The following KCNH5 variants were observed in gnomAD, a reference collection of about 807,000 sequenced individuals.
KCNH5 encodes potassium voltage-gated channel subfamily H member 5.
A neutral mutation model predicts 96.1 loss-of-function variants in KCNH5; 46 were observed. The ratio of observed to expected loss-of-function variants is 0.48; its 90% confidence interval spans 0.38 to 0.61. The LOEUF (loss-of-function observed/expected upper bound fraction) is 0.61. Among genes scored for constraint, KCNH5 ranks in the 20% least tolerant of loss-of-function variants. KCNH5 has a pLI of 0.00. For missense variants in KCNH5, 907 were observed against 1,225.8 expected, an observed-to-expected ratio of 0.74 and a Z score of 3.88; for synonymous variants, 439 against 449.8, an observed-to-expected ratio of 0.98 and a Z score of 0.30.
intron 7 of KCNH5, among the ~76,000 whole-genome samples, chr14:62,899,635 T>A (rs1263461420): frequency 2.0e-5 from 3 of 151,394 alleles, no homozygotes; most frequent in Non-Finnish European, 2.9e-5. Context: ...ATCGAGACCA[T>A]CCCGGCTAAA....
chr14:62,747,472 G>A (rs951312824), intron 10 of KCNH5, among the ~76,000 whole-genome samples: 1 of 152,258 alleles, frequency 6.6e-6, no homozygotes, highest in East Asian at 1.9e-4. Context: ...GAACATATTT[G>A]TATAATAACT....
chr14:62,783,955 C>A (rs1886270061), intron 9 of KCNH5, among the ~76,000 whole-genome samples: 1 of 150,880 alleles, frequency 6.6e-6, no homozygotes, highest in Non-Finnish European at 1.5e-5. Flanking sequence ...TAAGAAAATT[C>A]TCTTGATAGA....
intron 9 of KCNH5, among the ~76,000 whole-genome samples, chr14:62,800,373 AT>A (rs1886636379): frequency 6.6e-6 from 1 of 152,158 alleles, no homozygotes; most frequent in African/African-American, 2.4e-5. Flanking sequence ...TTACCATTTT[AT>A]TTTAAAATGA....
intron 7 of KCNH5, among the ~76,000 whole-genome samples, chr14:62,942,146 C>T (rs1408300017): frequency 6.6e-6 from 1 of 152,168 alleles, no homozygotes; most frequent in Non-Finnish European, 1.5e-5. Flanking sequence ...CTTTGTGACA[C>T]CACTTTCTTT....
chr14:62,979,560 A>G (rs948055126), intron 6 of KCNH5, among the ~76,000 whole-genome samples: 1 of 152,124 alleles, frequency 6.6e-6, no homozygotes, highest in Non-Finnish European at 1.5e-5. Flanking sequence ...TATAATAATA[A>G]TAACAACAGA....
At chr14:62,857,742 G>T (rs1255158828) in intron 7 of KCNH5, among the ~76,000 whole-genome samples, 2 of 152,084 alleles carry the variant, frequency 1.3e-5, no homozygotes, top group Non-Finnish European at 2.9e-5. Context: ...TTATGGGTGG[G>T]TCTACCCTTC....
intron 8 of KCNH5, 140 bp from the exon 9 acceptor site, chr14:62,802,721 A>C (rs925110883): frequency 5.1e-6 from 5 of 981,326 alleles, no homozygotes; most frequent in Non-Finnish European, 7.4e-6. Context: ...GGGAAGGCAA[A>C]GGGAACAAGA....
intron 7 of KCNH5, among the ~76,000 whole-genome samples, chr14:62,917,771 A>G (rs2140105834): frequency 6.6e-6 from 1 of 152,268 alleles, no homozygotes; most frequent in South Asian, 2.1e-4. Flanking sequence ...CATACCCCAC[A>G]TTATTCTTAA....
At chr14:62,862,033 A>G (rs1314935754) in intron 7 of KCNH5, among the ~76,000 whole-genome samples, 1 of 152,200 alleles carries the variant, frequency 6.6e-6, no homozygotes, top group Non-Finnish European at 1.5e-5. Flanking sequence ...ACACATTTAA[A>G]TGACCCAGGA....
At chr14:62,759,128 T>C (rs1343698195) in intron 10 of KCNH5, among the ~76,000 whole-genome samples, 1 of 152,230 alleles carries the variant, frequency 6.6e-6, no homozygotes, top group African/African-American at 2.4e-5. Context: ...TTTGTTACTA[T>C]ATGGATGGCT....
intron 8 of KCNH5, 150 bp from the exon 9 acceptor site, chr14:62,802,731 A>G: frequency 1.1e-6 from 1 of 877,012 alleles, no homozygotes; most frequent in Non-Finnish European, 1.7e-6. Flanking sequence ...AGGGAACAAG[A>G]CACAGCTCCG....
chr14:62,998,997 C>T (rs902664962), intron 4 of KCNH5, among the ~76,000 whole-genome samples: 8 of 152,122 alleles, frequency 5.3e-5, no homozygotes, highest in African/African-American at 1.4e-4. Flanking sequence ...AATAAACATA[C>T]GTGTGCATGT....
chr14:62,874,576 G>A (rs547123424), intron 7 of KCNH5, among the ~76,000 whole-genome samples: 10 of 151,822 alleles, frequency 6.6e-5, no homozygotes, highest in Admixed American at 3.9e-4. Context: ...TATAAACAGA[G>A]CCAAAGACAA....
chr14:62,786,995 C>G (rs1886333389), intron 9 of KCNH5, among the ~76,000 whole-genome samples: 1 of 152,104 alleles, frequency 6.6e-6, no homozygotes, highest in Admixed American at 6.6e-5. Context: ...AACCAGCAAC[C>G]TTAAAATGGC....
chr14:62,873,503 T>C (rs1296357656), intron 7 of KCNH5, among the ~76,000 whole-genome samples: 1 of 152,166 alleles, frequency 6.6e-6, no homozygotes, highest in East Asian at 1.9e-4. Flanking sequence ...TTATACCCAC[T>C]TGAGCACTGA....
intron 7 of KCNH5, among the ~76,000 whole-genome samples, chr14:62,885,768 T>C (rs1201738161): frequency 6.6e-6 from 1 of 152,200 alleles, no homozygotes; most frequent in Non-Finnish European, 1.5e-5. Flanking sequence ...GATGGTGATT[T>C]CACTACCTAA....
rs188437624 is a variant in KCNH5, at chr14:62,933,734, C to T, written c.1369+16399G>A. On this transcript the variant is annotated intron_variant, in intron 7 of 10. Transcript: ENST00000322893. Reference sequence around the variant, plus strand: ...CCATTTTTCAAAATAAACCTTATAGCGCTATTTGGTTCTTTAAACTACATG... The same window carrying T: ...CCATTTTTCAAAATAAACCTTATAGTGCTATTTGGTTCTTTAAACTACATG... Among the ~76,000 whole-genome samples, 4 of 152,168 alleles carry T rather than the reference C, an allele frequency of 2.6e-5. No individual in the cohort carries two copies. In the South Asian group the frequency reaches 6.2e-4, roughly 24 times the overall value.
chr14:63,028,110 C>A (rs1891559136), intron 1 of KCNH5, among the ~76,000 whole-genome samples: 1 of 132,092 alleles, frequency 7.6e-6, no homozygotes, highest in South Asian at 2.2e-4. Context: ...CTTTACAAAC[C>A]TCTCTCTCTC....
chr14:62,710,069 C>CTATCTTTTGAATATTGAA (rs1884536346), intron 10 of KCNH5, among the ~76,000 whole-genome samples: 1 of 152,170 alleles, frequency 6.6e-6, no homozygotes. Flanking sequence ...AAACCATTTA[C>CTATCTTTTGAATATTGAA]TATCTTTTGA....
Sources: gnomAD v4.1 joint callset for allele counts (sites outside exome capture counted in the v4.1 genomes callset) on GRCh38, gnomAD v4.1.1 for gene constraint, MANE v1.5 for transcripts, NCBI Gene and HGNC (gene_info 2026-07-23, HGNC 2026-07-21) for gene names.